ELP4: variants seen among roughly 807,000 people sequenced by gnomAD.
ELP4 encodes elongator acetyltransferase complex subunit 4, also known as elongator complex protein 4.
ELP4 carries 51 observed loss-of-function variants against 48.9 expected under a neutral mutation model. The observed-to-expected ratio is 1.04, with a 90% CI of 0.83 to 1.32. ELP4 has a LOEUF of 1.32. ELP4 is among the 40% of genes most tolerant of loss of function. The pLI, the probability that ELP4 is intolerant of heterozygous loss-of-function variation, is 0.00. For missense variants in ELP4, 519 were observed against 514.6 expected (o/e 1.01, Z -0.08); for synonymous variants, 210 against 189.2 (o/e 1.11, Z -0.90).
intron 9 of ELP4, among the ~76,000 whole-genome samples, chr11:31,743,339 G>A (rs963000555): frequency 3.3e-5 from 5 of 152,010 alleles, no homozygotes; most frequent in African/African-American, 7.3e-5. Context: ...ACAGATCAGC[G>A]AGACAGAAAG....
At chr11:31,779,334 T>G (rs1948318304) in intron 9 of ELP4, among the ~76,000 whole-genome samples, 1 of 152,208 alleles carries the variant, frequency 6.6e-6, no homozygotes, top group Admixed American at 6.5e-5. Context: ...TCGAGATTCA[T>G]TATCTTGCCC....
At chr11:31,552,696 A>C (rs1956872284) in intron 3 of ELP4, among the ~76,000 whole-genome samples, 1 of 152,140 alleles carries the variant, frequency 6.6e-6, no homozygotes. Context: ...GCTTCTCTTC[A>C]GTCTGATCTC....
At chr11:31,725,164 T>C (rs1454591413) in intron 9 of ELP4, among the ~76,000 whole-genome samples, 1 of 149,298 alleles carries the variant, frequency 6.7e-6, no homozygotes, top group Admixed American at 6.6e-5. Flanking sequence ...AATGCTGGCC[T>C]TTTCACGGGC....
At chr11:31,668,409 T>G (rs1166169884) in intron 9 of ELP4, among the ~76,000 whole-genome samples, 2 of 151,982 alleles carry the variant, frequency 1.3e-5, no homozygotes, top group African/African-American at 4.8e-5. Context: ...CTATTTTTAA[T>G]AAAATGATTG....
chr11:31,521,159 G>T (rs1276570420), intron 2 of ELP4, among the ~76,000 whole-genome samples: 1 of 151,974 alleles, frequency 6.6e-6, no homozygotes, highest in Non-Finnish European at 1.5e-5. Context: ...TCTAGTAAAG[G>T]AAAACGTTAT....
intron 7 of ELP4, among the ~76,000 whole-genome samples, chr11:31,639,155 G>T (rs1448421001): frequency 6.6e-6 from 1 of 151,392 alleles, no homozygotes; most frequent in Non-Finnish European, 1.5e-5. Flanking sequence ...CATTTTTTAT[G>T]AATTCTTTTC....
At chr11:31,631,349 A>T (rs1358692035) in intron 6 of ELP4, among the ~76,000 whole-genome samples, 1 of 152,134 alleles carries the variant, frequency 6.6e-6, no homozygotes, top group Non-Finnish European at 1.5e-5. Context: ...TTAAGAGCAA[A>T]CTTACTTTTC....
chr11:31,528,782 C>T (rs1956341813), intron 2 of ELP4, among the ~76,000 whole-genome samples: 1 of 152,044 alleles, frequency 6.6e-6, no homozygotes, highest in Non-Finnish European at 1.5e-5. Context: ...TCAGTTTAAA[C>T]ATAATGACTT....
At chr11:31,632,600 C>A (rs925068000) in intron 7 of ELP4, 195 bp downstream of exon 7, 1 of 432,956 alleles carries the variant, frequency 2.3e-6, no homozygotes, top group African/African-American at 2.0e-5. Context: ...TGTAAAGTTC[C>A]TTGATATTTT....
intron 5 of ELP4, among the ~76,000 whole-genome samples, chr11:31,623,900 G>A (rs181244030): frequency 1.4e-4 from 21 of 151,670 alleles, no homozygotes; most frequent in Admixed American, 9.2e-4. Context: ...AATTGGATAA[G>A]GACCAAAATA....
intron 1 of ELP4, 58 bp downstream of exon 1, chr11:31,510,065 T>C (rs1277397124): frequency 6.6e-7 from 1 of 1,523,762 alleles, no homozygotes; most frequent in East Asian, 2.3e-5. Flanking sequence ...AGGGGACCTG[T>C]CGGGGAAGCC....
intron 9 of ELP4, among the ~76,000 whole-genome samples, chr11:31,764,564 C>T (rs756229583): frequency 6.6e-6 from 1 of 152,108 alleles, no homozygotes; most frequent in Non-Finnish European, 1.5e-5. Context: ...CCATCAAGGC[C>T]GCACAGTTGT....
At chr11:31,627,254 T>G (rs1644659543) in intron 6 of ELP4, 60 bp downstream of exon 6, 1 of 106,600 alleles carries the variant, frequency 9.4e-6, no homozygotes. Flanking sequence ...TCAAATTCTC[T>G]GGGGGGGGGG....
At chr11:31,656,057 T>C (rs930012902) in intron 9 of ELP4, among the ~76,000 whole-genome samples, 4 of 152,056 alleles carry the variant, frequency 2.6e-5, no homozygotes, top group African/African-American at 9.7e-5. Context: ...CATTTTTCCC[T>C]GAGTCATTTA....
At chr11:31,763,375 T>A in intron 9 of ELP4, 1 of 1,550,206 alleles carries the variant, frequency 6.5e-7, no homozygotes, top group Admixed American at 1.9e-5. Context: ...AAAATTACTG[T>A]TGACTAACAA....
At chr11:31,742,392 A>G (rs1173628662) in intron 9 of ELP4, among the ~76,000 whole-genome samples, 4 of 152,210 alleles carry the variant, frequency 2.6e-5, no homozygotes, top group Admixed American at 2.0e-4. Context: ...GGAAATACAG[A>G]GAAAGCCACA....
intron 1 of ELP4, among the ~76,000 whole-genome samples, chr11:31,519,391 T>C (rs192366397): frequency 6.6e-6 from 1 of 152,368 alleles, no homozygotes; most frequent in Admixed American, 6.5e-5. Flanking sequence ...ACTGTACACA[T>C]TTAAGTCTTG....
chr11:31,715,266 C>T (rs961622578), intron 9 of ELP4, among the ~76,000 whole-genome samples: 2 of 151,734 alleles, frequency 1.3e-5, no homozygotes, highest in Non-Finnish European at 2.9e-5. Flanking sequence ...TGGACATGGC[C>T]AAAAAAACTG....
chr11:31,733,098 C>T (rs1270341442), intron 9 of ELP4, among the ~76,000 whole-genome samples: 1 of 152,142 alleles, frequency 6.6e-6, no homozygotes, highest in African/African-American at 2.4e-5. Flanking sequence ...CCAACAGCTG[C>T]AGAATATACA....
Sources: allele counts gnomAD v4.1 joint callset (sites outside exome capture counted in the v4.1 genomes callset), GRCh38; gene constraint gnomAD v4.1.1; transcripts MANE v1.5; gene names NCBI Gene and HGNC (gene_info 2026-07-23, HGNC 2026-07-21).